The following PDS5B variants were observed in gnomAD, a reference collection of about 807,000 sequenced individuals.
The protein encoded by PDS5B is sister chromatid cohesion protein PDS5 homolog B.
A neutral mutation model predicts 184.1 loss-of-function variants in PDS5B; 51 were observed. That is an observed-to-expected ratio of 0.28 (90% CI 0.22 to 0.35). PDS5B has a LOEUF of 0.35. Ranked by LOEUF, PDS5B falls within the 10% of genes least tolerant of loss-of-function variation. PDS5B has a pLI of 1.00. For synonymous variants in PDS5B, 566 were observed against 569.2 expected (o/e 0.99, Z 0.08); for missense variants, 1,180 against 1,723.3 (o/e 0.68, Z 5.58).
At chr13:32,736,158 T>G (rs1176557039) in intron 21 of PDS5B, among the ~76,000 whole-genome samples, 1 of 152,146 alleles carries the variant, frequency 6.6e-6, no homozygotes, top group East Asian at 1.9e-4. Context: ...TTTGTGCTCT[T>G]GTTCACCCAG....
intron 7 of PDS5B, among the ~76,000 whole-genome samples, chr13:32,668,685 GAT>G (rs1950861046): frequency 6.6e-6 from 1 of 152,128 alleles, no homozygotes; most frequent in African/African-American, 2.4e-5. Flanking sequence ...ACAAGTAAAG[GAT>G]ATAAATTTGC....
At chr13:32,670,515 A>G (rs1217882565) in intron 7 of PDS5B, among the ~76,000 whole-genome samples, 1 of 152,206 alleles carries the variant, frequency 6.6e-6, no homozygotes, top group African/African-American at 2.4e-5. Context: ...GGCGTGAACC[A>G]CCATGCCCAG....
intron 1 of PDS5B, among the ~76,000 whole-genome samples, chr13:32,602,917 C>T (rs1222085269): frequency 1.3e-5 from 2 of 152,166 alleles, no homozygotes; most frequent in African/African-American, 4.8e-5. Flanking sequence ...TGTTCATATC[C>T]TTTGCCTACT....
intron 13 of PDS5B, chr13:32,689,965 A>G (rs908637782): frequency 6.6e-6 from 1 of 152,152 alleles, no homozygotes; most frequent in Admixed American, 6.6e-5. Context: ...TAAAAATGAA[A>G]TGTCACTTTT....
At chr13:32,743,214 C>T (rs1028252894) in intron 23 of PDS5B, among the ~76,000 whole-genome samples, 2 of 151,960 alleles carry the variant, frequency 1.3e-5, no homozygotes, top group African/African-American at 2.4e-5. Context: ...TGATTGAAAA[C>T]TACTGGACTC....
chr13:32,609,107 A>T (rs1470947568), intron 1 of PDS5B, among the ~76,000 whole-genome samples: 1 of 152,198 alleles, frequency 6.6e-6, no homozygotes, highest in Non-Finnish European at 1.5e-5. Context: ...TTAATTTGCA[A>T]ATAAAGGTGG....
At chr13:32,682,218 A>G (rs1240228613) in intron 10 of PDS5B, among the ~76,000 whole-genome samples, 1 of 152,212 alleles carries the variant, frequency 6.6e-6, no homozygotes, top group Non-Finnish European at 1.5e-5. Flanking sequence ...TAAAATATAC[A>G]GATCCTGAGT....
At chr13:32,730,912 T>C (rs1953097975) in intron 19 of PDS5B, among the ~76,000 whole-genome samples, 1 of 152,202 alleles carries the variant, frequency 6.6e-6, no homozygotes, top group South Asian at 2.1e-4. Flanking sequence ...TTTGACTTCC[T>C]CTCTTCCTAC....
At position 32,773,245 on chromosome 13, in the gene PDS5B, T is replaced by C. The variant is rs755417524; in HGVS notation, c.4229T>C (p.Val1410Ala). 1.9e-6 allele frequency: 3 copies of C among 1,612,972 alleles called. No individual in the cohort carries two copies. The highest frequency in any genetic ancestry group is 1.7e-5 in the Admixed American group (1 of 59,922). Residue 1410 changes from valine (V) to alanine (A), a missense_variant, in exon 34 of 35, where the codon GTA (valine) becomes GCA (alanine). By Grantham distance (64) the Val-to-Ala change is moderately conservative (BLOSUM62 0). Coordinates refer to ENST00000315596, the MANE Select transcript of PDS5B (RefSeq NM_015032.4). ...ATKENDSSEE[V>A]DVFQGSSPVD... is the part of the protein sequence containing the mutation. ...AAGGAAAATGATTCAAGTGAAGAAG[T>C]AGATGTGTTTCAGGGTAGCTCTCCT...
intron 3 of PDS5B, among the ~76,000 whole-genome samples, chr13:32,655,368 A>ATTTTTT (rs368287046): frequency 3.7e-5 from 1 of 27,184 alleles, no homozygotes; most frequent in African/African-American, 1.7e-4. Context: ...CCATATATAT[A>ATTTTTT]TATATATTTT....
At chr13:32,618,280 T>TA (rs1202957238) in intron 1 of PDS5B, among the ~76,000 whole-genome samples, 1 of 152,210 alleles carries the variant, frequency 6.6e-6, no homozygotes, top group Non-Finnish European at 1.5e-5. Flanking sequence ...GAGTTACAGA[T>TA]ACAATGGTCC....
chr13:32,658,232 A>T lies in PDS5B; in HGVS notation c.313-7A>T, dbSNP rs755538011. The stretch of plus-strand genomic sequence containing the variant: ...TCTAAATGGCACTTTGTCTTTTTTT[A>T]TTTAAGGATATATTTATGTTTATAA... On this transcript the variant is annotated splice_polypyrimidine_tract_variant and splice_region_variant and intron_variant, in intron 3 of 34. Transcript: ENST00000315596. The T allele has an allele frequency of 7.6e-7, 1 of 1,320,616 alleles. No individual in the cohort carries two copies. Among genetic ancestry groups the T allele is most frequent in the Non-Finnish European group, 1.1e-6 (1 of 932,452 alleles). The allele number at this position is 1,320,616 out of a possible 1,614,324, so 81.8% of individuals were successfully genotyped here. A position where few individuals can be genotyped will look rare whatever the true frequency, so the allele number is the denominator to read the frequency against.
At chr13:32,764,466 A>AT in intron 30 of PDS5B, 23 bp from the exon 31 acceptor site, 2 of 1,375,274 alleles carry the variant, frequency 1.5e-6, no homozygotes, top group South Asian at 2.7e-5. Context: ...TGTAATAACA[A>AT]TTACAAATGT....
intron 15 of PDS5B, among the ~76,000 whole-genome samples, chr13:32,697,455 A>C (rs1465086847): frequency 6.6e-6 from 1 of 152,182 alleles, no homozygotes; most frequent in African/African-American, 2.4e-5. Flanking sequence ...CTTCTGCTGA[A>C]CTTCCACTTG....
chr13:32,673,574 A>G (rs970855751), intron 8 of PDS5B, among the ~76,000 whole-genome samples: 1 of 152,150 alleles, frequency 6.6e-6, no homozygotes, highest in Non-Finnish European at 1.5e-5. Flanking sequence ...GATTAGCAAG[A>G]TGGTATTTTC....
rs772338297 is a variant in PDS5B at position 32,687,115 on chromosome 13, A to G, written c.1204-19A>G. Reference sequence around the variant, plus strand: ...ATGGAAGCCTTTTTACATTATAAATAAAACTTTTTGTTTTTAAGTGGAGAG... The same window carrying G: ...ATGGAAGCCTTTTTACATTATAAATGAAACTTTTTGTTTTTAAGTGGAGAG... On this transcript the variant is annotated intron_variant, in intron 11 of 34. Coordinates refer to ENST00000315596, the MANE Select transcript of PDS5B (RefSeq NM_015032.4). 1.3e-6 allele frequency: 2 copies of G among 1,571,604 alleles called. No homozygotes were observed. The highest frequency in any genetic ancestry group is 2.8e-5 in the African/African-American group (2 of 72,464).
At chr13:32,699,679 T>C (rs899102504) in intron 15 of PDS5B, 51 bp from the exon 16 acceptor site, 20 of 1,054,248 alleles carry the variant, frequency 1.9e-5, no homozygotes, top group Non-Finnish European at 2.4e-5. Context: ...CCTATTATTA[T>C]TTTAAGAATT....
At chr13:32,587,534 G>A (rs547001791) in intron 1 of PDS5B, among the ~76,000 whole-genome samples, 14 of 152,336 alleles carry the variant, frequency 9.2e-5, no homozygotes, top group African/African-American at 3.4e-4. Flanking sequence ...TGGTAGAGAC[G>A]TGAAAGCTAA....
Position 32,742,874 on chromosome 13 carries a change from T to G in PDS5B, c.2612+147T>G, listed in dbSNP as rs1167306114. On this transcript the variant is annotated intron_variant, in intron 23 of 34. Transcript: ENST00000315596. ...ATATATTTTTACTGGAATATGCTTT[T>G]GTACAGTGGTTATTTTACAGTGGCG... is the stretch of plus-strand genomic sequence containing the variant. 7.0e-6 allele frequency: 5 copies of G among 716,272 alleles called. No individual in the cohort carries two copies. The African/African-American group carries it at 9.2e-5, about 13-fold the overall frequency. 44.4% of individuals were successfully genotyped at this position (716,272 alleles called of 1,614,324 possible). A position where few individuals can be genotyped will look rare whatever the true frequency, so the allele number is the denominator to read the frequency against.
Sources: gnomAD v4.1 joint callset for allele counts (sites outside exome capture counted in the v4.1 genomes callset) on GRCh38, gnomAD v4.1.1 for gene constraint, MANE v1.5 for transcripts, NCBI Gene and HGNC (gene_info 2026-07-23, HGNC 2026-07-21) for gene names.